Variants in FBXO36 observed in about 807,000 individuals in gnomAD.
FBXO36 encodes the protein F-box protein 36, also known as F-box only protein 36.
In FBXO36, 18 loss-of-function variants were observed where a neutral mutation model predicts 17.0. The ratio of observed to expected loss-of-function variants is 1.06; its 90% CI spans 0.73 to 1.57. FBXO36 has a LOEUF of 1.57. Among genes scored for constraint, FBXO36 ranks in the 40% most tolerant of loss-of-function variants. The pLI is 0.00. For missense variants in FBXO36, 229 were observed against 221.9 expected, an observed-to-expected ratio of 1.03 and a Z score of -0.20; for synonymous variants, 83 against 85.3, an observed-to-expected ratio of 0.97 and a Z score of 0.15.
intron 3 of FBXO36, among the ~76,000 whole-genome samples, chr2:229,998,903 C>T (rs749371154): frequency 1.8e-4 from 27 of 149,514 alleles, no homozygotes; most frequent in Non-Finnish European, 3.7e-4. Context: ...CCCAGGTTCA[C>T]GCCATTCTCC....
rs1204907083 is a variant in FBXO36, at chr2:230,011,404, A to T, written c.*520A>T. On this transcript the variant is annotated 3_prime_UTR_variant, in exon 4 of 4. Transcript: ENST00000283946. Reference sequence around the variant, plus strand: ...GCTGCCTTCCCAACTTTGTTCTGCTAAGTCCATATTCAGGGCCCTATCCTT... The same window carrying T: ...GCTGCCTTCCCAACTTTGTTCTGCTTAGTCCATATTCAGGGCCCTATCCTT... The T allele has an allele frequency of 6.5e-6, 1 of 152,824 alleles. No homozygotes were observed. The highest frequency in any genetic ancestry group is 2.4e-5 in the African/African-American group (1 of 41,386). The allele number at this position is 152,824 out of a possible 1,614,324, so 9.5% of individuals were successfully genotyped here.
chr2:229,932,313 G>A (rs2076942859), intron 1 of FBXO36, among the ~76,000 whole-genome samples: 1 of 152,156 alleles, frequency 6.6e-6, no homozygotes, highest in Non-Finnish European at 1.5e-5. Flanking sequence ...CTAAGGTCAG[G>A]AGTTCGAGAC....
At chr2:229,974,451 T>G in intron 1 of FBXO36, among the ~76,000 whole-genome samples, 1 of 152,228 alleles carries the variant, frequency 6.6e-6, no homozygotes, top group South Asian at 2.1e-4. Context: ...GATGTTGCCT[T>G]CTAAATCAGT....
intron 3 of FBXO36, among the ~76,000 whole-genome samples, chr2:230,002,436 T>C (rs905565335): frequency 2.6e-5 from 4 of 151,554 alleles, no homozygotes; most frequent in African/African-American, 9.7e-5. Context: ...CAGTCTGGAG[T>C]GCAATGGCAT....
At chr2:229,964,522 T>G (rs2077140712) in intron 1 of FBXO36, among the ~76,000 whole-genome samples, 1 of 152,222 alleles carries the variant, frequency 6.6e-6, no homozygotes, top group Non-Finnish European at 1.5e-5. Flanking sequence ...GTATTTCTTT[T>G]TGTTTCTTTG....
At chr2:229,928,428 GGAAGATCTGAATTTTCTACCAT>G (rs1473079222) in intron 1 of FBXO36, among the ~76,000 whole-genome samples, 2 of 152,130 alleles carry the variant, frequency 1.3e-5, no homozygotes, top group Non-Finnish European at 2.9e-5. Flanking sequence ...TCATATTTCT[GGAAGATCTGAATTTTCTACCAT>G]GAGCATTTAT....
chr2:229,934,149 C>T (rs558330598), intron 1 of FBXO36, among the ~76,000 whole-genome samples: 1 of 152,188 alleles, frequency 6.6e-6, no homozygotes, highest in African/African-American at 2.4e-5. Flanking sequence ...CGCCTGTAAT[C>T]CCAGCACTTT....
Position 229,976,310 on chromosome 2 carries a change from G to T in FBXO36, c.166G>T (p.Glu56Ter). 6.2e-7 allele frequency: 1 copy of T among 1,613,762 alleles called. No individual in the cohort carries two copies. Among genetic ancestry groups the T allele is most frequent in the Non-Finnish European group, 8.5e-7 (1 of 1,179,780 alleles). The change falls in exon 2 of 4, where the codon GAA (glutamate) becomes TAA (stop). Residue 56 changes from glutamate (E) to a stop codon, truncating the protein, a stop_gained. Coordinates refer to ENST00000283946, the MANE Select transcript of FBXO36 (RefSeq NM_174899.5). LOFTEE classifies it high-confidence loss of function. ...YRSTKPGEAK[E>*]THEDFLENSH... The stretch of plus-strand genomic sequence containing the variant: ...ATCAACAAAACCTGGAGAAGCAAAA[G>T]AAACCCATGAAGACTTCCTAGAGAA...
chr2:229,995,260 T>A (rs2077319118), intron 2 of FBXO36, among the ~76,000 whole-genome samples: 1 of 152,194 alleles, frequency 6.6e-6, no homozygotes, highest in Non-Finnish European at 1.5e-5. Context: ...CATTTAAACA[T>A]CTATCCTTCC....
intron 2 of FBXO36, among the ~76,000 whole-genome samples, chr2:229,990,262 T>A (rs1320158845): frequency 6.7e-6 from 1 of 149,220 alleles, no homozygotes; most frequent in Non-Finnish European, 1.5e-5. Flanking sequence ...ATAATATATA[T>A]AACACACACA....
At chr2:229,933,387 G>A (rs80024866) in intron 1 of FBXO36, among the ~76,000 whole-genome samples, 1 of 140,034 alleles carries the variant, frequency 7.1e-6, no homozygotes, top group Non-Finnish European at 1.5e-5. Context: ...AGCAAAAAAA[G>A]AGCAAAACTC....
intron 2 of FBXO36, among the ~76,000 whole-genome samples, chr2:229,983,422 C>G (rs1487675578): frequency 6.6e-6 from 1 of 151,926 alleles, no homozygotes; most frequent in African/African-American, 2.4e-5. Context: ...CCTCAGCCTC[C>G]TGAGTATCTG....
At chr2:229,930,933 G>A (rs1418803354) in intron 1 of FBXO36, among the ~76,000 whole-genome samples, 1 of 152,082 alleles carries the variant, frequency 6.6e-6, no homozygotes, top group Non-Finnish European at 1.5e-5. Flanking sequence ...TGCCCTACAG[G>A]TTAGGCCAGG....
intron 2 of FBXO36, among the ~76,000 whole-genome samples, chr2:229,992,612 T>C (rs2077303407): frequency 6.6e-6 from 1 of 152,258 alleles, no homozygotes; most frequent in Non-Finnish European, 1.5e-5. Context: ...TCTTACATTT[T>C]AGGTTCCACT....
rs1367884017 is a variant in FBXO36, at chr2:229,962,827, A to G, written c.97-13414A>G. On this transcript the variant is annotated intron_variant, in intron 1 of 3. Coordinates refer to ENST00000283946, the MANE Select transcript of FBXO36 (RefSeq NM_174899.5). ...CGAGTAGCTGGGATTATAGGCATGC[A>G]CCACCACATCTGGCTAATTTTGTAT... is the stretch of plus-strand genomic sequence containing the variant. 2.0e-5 allele frequency among the ~76,000 whole-genome samples: 3 copies of G among 151,026 alleles called. No homozygotes were observed. In the East Asian group the frequency reaches 5.9e-4, roughly 30 times the overall value.
At chr2:230,010,381 G>A (rs1310456248) in intron 3 of FBXO36, among the ~76,000 whole-genome samples, 1 of 152,234 alleles carries the variant, frequency 6.6e-6, no homozygotes, top group Non-Finnish European at 1.5e-5. Context: ...TGGCCGCAGT[G>A]GGGTGGGGGT....
rs140327795 is a variant in FBXO36 at position 230,002,887 on chromosome 2, G to A, written c.378+5964G>A. Among the ~76,000 whole-genome samples the A allele has an allele frequency of 2.2e-3, 329 of 152,152 alleles. 1 individual carries two copies. The highest frequency in any genetic ancestry group is 7.2e-3 in the African/African-American group (300 of 41,522). On this transcript the variant is annotated intron_variant, in intron 3 of 3. Coordinates refer to ENST00000283946, the MANE Select transcript of FBXO36 (RefSeq NM_174899.5). ...CTAAACTTGTTTTATTTAAATGACC[G>A]TCTTTCAGTGGATGTTAGATCTTTC...
intron 2 of FBXO36, among the ~76,000 whole-genome samples, chr2:229,977,557 T>C (rs2077215887): frequency 6.6e-6 from 1 of 152,064 alleles, no homozygotes; most frequent in Non-Finnish European, 1.5e-5. Context: ...TTCAAGTAAT[T>C]CTTGTGCCTC....
chr2:229,935,152 G>C (rs2076957788), intron 1 of FBXO36, among the ~76,000 whole-genome samples: 1 of 152,160 alleles, frequency 6.6e-6, no homozygotes, highest in African/African-American at 2.4e-5. Context: ...TGTCATCACT[G>C]AATATGGTAG....
Sources: allele counts gnomAD v4.1 joint callset (sites outside exome capture counted in the v4.1 genomes callset), GRCh38; gene constraint gnomAD v4.1.1; transcripts MANE v1.5; gene names NCBI Gene and HGNC (gene_info 2026-07-23, HGNC 2026-07-21).